Variants in PROB1 observed in about 807,000 individuals in gnomAD.
PROB1 encodes the protein proline rich basic protein 1.
For synonymous variants in PROB1, 660 were observed against 699.3 expected, an observed-to-expected ratio of 0.94 and a Z score of 0.89; for missense variants, 1,453 against 1,485.7, an observed-to-expected ratio of 0.98 and a Z score of 0.36.
Position 139,392,787 on chromosome 5 carries a change from G to A in PROB1, c.2295C>T (p.Ala765=), listed in dbSNP as rs1332022757. 6.9e-7 allele frequency: 1 copy of A among 1,453,050 alleles called. No homozygotes were observed. The highest frequency in any genetic ancestry group is 9.1e-7 in the Non-Finnish European group (1 of 1,099,576). 90.0% of individuals were successfully genotyped at this position (1,453,050 alleles called of 1,614,324 possible). Residue 765 remains alanine, a synonymous_variant, in exon 1 of 1, where the codon GCC becomes GCT. Coordinates refer to ENST00000434752, the MANE Select transcript of PROB1 (RefSeq NM_001161546.2). This position sits in a 1 kb window ranked among gnomAD's most constrained non-coding sequence, Gnocchi z 5.8. ...GPGGENRDVE[A]QRLVPDGDGR... Reference sequence around the variant, plus strand: ...CGTCGCCGTCGGGGACCAGGCGCTGGGCCTCTACATCCCTGTTCTCTCCTC... The same window carrying A: ...CGTCGCCGTCGGGGACCAGGCGCTGAGCCTCTACATCCCTGTTCTCTCCTC...
In PROB1 at chr5:139,393,994, G is replaced by A. The variant is rs1449011900; in HGVS notation, c.1088C>T (p.Pro363Leu). 3 of 1,550,556 alleles carry A rather than the reference G, an allele frequency of 1.9e-6. No homozygotes were observed. Among genetic ancestry groups the A allele is most frequent in the Admixed American group, 2.0e-5 (1 of 51,016 alleles). ...CCGTGCCCTCTGAACAGTTCGATCCGGCGCCTCTCGCGGGAACCGAGTCTT... is the reference window on the plus strand; with the variant it reads ...CCGTGCCCTCTGAACAGTTCGATCCAGCGCCTCTCGCGGGAACCGAGTCTT... ...ARKTRFPREA[P>L]DRTVQRARSP... The change falls in exon 1 of 1, where the codon CCG (proline) becomes CTG (leucine). Residue 363 changes from proline (P) to leucine (L), a missense_variant. Coordinates refer to ENST00000434752, the MANE Select transcript of PROB1 (RefSeq NM_001161546.2).
rs1437705883 is a variant in PROB1 at position 139,394,013 on chromosome 5, G to A, written c.1069C>T (p.Arg357Trp). 1.3e-6 allele frequency: 2 copies of A among 1,550,650 alleles called. No homozygotes were observed. The highest frequency in any genetic ancestry group is 1.2e-5 in the South Asian group (1 of 84,070). Residue 357 changes from arginine (R) to tryptophan (W), a missense_variant, in exon 1 of 1, where the codon CGG (arginine) becomes TGG (tryptophan). Arg to Trp is a moderately radical substitution (Grantham distance 101, BLOSUM62 -3). Coordinates refer to ENST00000434752, the MANE Select transcript of PROB1 (RefSeq NM_001161546.2). ...EEKIQEARKT[R>W]FPREAPDRTV... is the part of the protein sequence containing the mutation. ...CGATCCGGCGCCTCTCGCGGGAACC[G>A]AGTCTTCCGCGCCTCCTGGATCTTC...
In PROB1 at chr5:139,392,211, G is replaced by GC. The variant is rs1758609331; in HGVS notation, c.2870dup (p.Gln959AlafsTer13). 4.9e-6 allele frequency: 7 copies of GC among 1,433,406 alleles called. No homozygotes were observed. Among genetic ancestry groups the GC allele is most frequent in the Non-Finnish European group, 6.4e-6 (7 of 1,087,130 alleles). 88.8% of individuals were successfully genotyped at this position (1,433,406 alleles called of 1,614,324 possible). ...GCTGGGGGCTGCCGAGGGCCTGCGGGCCCGGGGACGGTGGCAGAGAGAGGC... is the reference window on the plus strand; with the variant it reads ...GCTGGGGGCTGCCGAGGGCCTGCGGGCCCCGGGGACGGTGGCAGAGAGAGGC... On this transcript the variant is annotated frameshift_variant, in exon 1 of 1. Coordinates refer to ENST00000434752, the MANE Select transcript of PROB1 (RefSeq NM_001161546.2). LOFTEE classifies it low-confidence loss of function (END_TRUNC). This position sits in a 1 kb window ranked among gnomAD's most constrained non-coding sequence, Gnocchi z 5.8.
chr5:139,393,734 T>C lies in PROB1; in HGVS notation c.1348A>G (p.Arg450Gly). ...QNPAVEETVS[R>G]RSPSPPILSQ... ...AGGATCGGAGGGGAAGGGCTTCTCC[T>C]GCTGACAGTTTCCTCGACGGCAGGA... Residue 450 changes from arginine to glycine, a missense_variant, in exon 1 of 1, where the codon AGG becomes GGG. Physicochemically the swap from Arg to Gly is moderately radical, Grantham distance 125 (BLOSUM62 -2). Transcript: ENST00000434752. 6.4e-7 allele frequency: 1 copy of C among 1,551,374 alleles called. No homozygotes were observed. The highest frequency in any genetic ancestry group is 8.7e-7 in the Non-Finnish European group (1 of 1,146,992).
chr5:139,392,630 G>T lies in PROB1; in HGVS notation c.2452C>A (p.Pro818Thr), dbSNP rs1036270963. Residue 818 changes from proline (P) to threonine (T), a missense_variant, in exon 1 of 1, where the codon CCG becomes ACG. Physicochemically the swap from Pro to Thr is conservative, Grantham distance 38. Transcript: ENST00000434752. The surrounding 1 kb of genome is among the most constrained non-coding windows in gnomAD (Gnocchi z 5.8). ...TCGGGGGCCGTAGGTGGTGTCTTCG[G>T]TTTGGGTGCTATCCCAGGGCTCGGG... ...ASPSPGIAPK[P>T]KTPPTAPEPA... is the part of the protein sequence containing the mutation. 14 of 1,386,752 alleles carry T rather than the reference G, an allele frequency of 1.0e-5. No homozygotes were observed. The highest frequency in any genetic ancestry group is 1.3e-5 in the Non-Finnish European group (14 of 1,072,654). 85.9% of individuals were successfully genotyped at this position (1,386,752 alleles called of 1,614,324 possible). A position where few individuals can be genotyped will look rare whatever the true frequency, so the allele number is the denominator to read the frequency against.
In PROB1 at chr5:139,392,768, C is replaced by T; in HGVS notation, c.2314G>A (p.Gly772Ser). Residue 772 changes from glycine to serine, a missense_variant, in exon 1 of 1, where the codon GGC becomes AGC. Transcript: ENST00000434752. This position sits in a 1 kb window ranked among gnomAD's most constrained non-coding sequence, Gnocchi z 5.8. ...CCTAGAGGGCTGGTCCGACCGTCGC[C>T]GTCGGGGACCAGGCGCTGGGCCTCT... ...DVEAQRLVPD[G>S]DGRTSPLGGA... 7.0e-7 allele frequency: 1 copy of T among 1,438,264 alleles called. No homozygotes were observed. Among genetic ancestry groups the T allele is most frequent in the Non-Finnish European group, 9.1e-7 (1 of 1,092,956 alleles). 89.1% of individuals were successfully genotyped at this position (1,438,264 alleles called of 1,614,324 possible). A position where few individuals can be genotyped will look rare whatever the true frequency, so the allele number is the denominator to read the frequency against.
Position 139,392,433 on chromosome 5 carries a change from C to G in PROB1, c.2649G>C (p.Leu883Phe), listed in dbSNP as rs780420892. 4.0e-4 allele frequency: 592 copies of G among 1,464,614 alleles called. 1 individual carries two copies. The highest frequency in any genetic ancestry group is 4.9e-4 in the Non-Finnish European group (546 of 1,109,430). The allele number at this position is 1,464,614 out of a possible 1,614,324, so 90.7% of individuals were successfully genotyped here. ...QPGAAPLGKVLVDPESGRYYF... is the reference protein window; with the variant it reads ...QPGAAPLGKVFVDPESGRYYF... ...AGTAGCGGCCGCTCTCGGGGTCCACCAAGACCTTCCCCAGGGGCGCGGCCC... is the reference window on the plus strand; with the variant it reads ...AGTAGCGGCCGCTCTCGGGGTCCACGAAGACCTTCCCCAGGGGCGCGGCCC... Residue 883 changes from leucine (L) to phenylalanine (F), a missense_variant, in exon 1 of 1, where the codon TTG becomes TTC. Physicochemically the swap from Leu to Phe is conservative, Grantham distance 22. Coordinates refer to ENST00000434752, the MANE Select transcript of PROB1 (RefSeq NM_001161546.2). This position sits in a 1 kb window ranked among gnomAD's most constrained non-coding sequence, Gnocchi z 5.8.
chr5:139,394,120 C>G lies in PROB1; in HGVS notation c.962G>C (p.Arg321Pro), dbSNP rs770436106. 1.4e-4 allele frequency: 216 copies of G among 1,547,754 alleles called. 2 individuals are homozygous for G. The highest frequency in any genetic ancestry group is 8.6e-4 in the South Asian group (72 of 83,942). ...CGCAGGCTTGTCGCGCCGAATCGCG[C>G]GCTCGCGGAGGCTGGGCCACGGCCT... Reference protein sequence around the residue: ...APRPWPSLRERAIRRDKPAPG... With the variant: ...APRPWPSLREPAIRRDKPAPG... The change falls in exon 1 of 1, where the codon CGC becomes CCC. Residue 321 changes from arginine to proline, a missense_variant. Arg to Pro is a moderately radical substitution (Grantham distance 103). Transcript: ENST00000434752.
rs746121314 is a variant in PROB1, at chr5:139,393,753, G to A, written c.1329C>T (p.Ala443=). ...ASSEWENQNP[A]VEETVSRRSP... is the part of the protein sequence containing the mutation. ...TTCTCCTGCTGACAGTTTCCTCGAC[G>A]GCAGGATTTTGATTTTCCCACTCGG... Residue 443 remains alanine, a synonymous_variant, in exon 1 of 1, where the codon GCC becomes GCT. Coordinates refer to ENST00000434752, the MANE Select transcript of PROB1 (RefSeq NM_001161546.2). 1.3e-6 allele frequency: 2 copies of A among 1,551,354 alleles called. No individual in the cohort carries two copies. Among genetic ancestry groups the A allele is most frequent in the East Asian group, 2.4e-5 (1 of 40,912 alleles).
Position 139,392,647 on chromosome 5 carries a change from G to A in PROB1, c.2435C>T (p.Pro812Leu). 7.2e-7 allele frequency: 1 copy of A among 1,389,736 alleles called. No homozygotes were observed. The highest frequency in any genetic ancestry group is 1.7e-5 in the South Asian group (1 of 59,172). The allele number at this position is 1,389,736 out of a possible 1,614,324, so 86.1% of individuals were successfully genotyped here. Residue 812 changes from proline to leucine, a missense_variant, in exon 1 of 1, where the codon CCT (proline) becomes CTT (leucine). Physicochemically the swap from Pro to Leu is moderately conservative, Grantham distance 98 (BLOSUM62 -3). Coordinates refer to ENST00000434752, the MANE Select transcript of PROB1 (RefSeq NM_001161546.2). This position sits in a 1 kb window ranked among gnomAD's most constrained non-coding sequence, Gnocchi z 5.8. The stretch of plus-strand genomic sequence containing the variant: ...TGTCTTCGGTTTGGGTGCTATCCCA[G>A]GGCTCGGGCTGGCTTGCATCTGAGG... ...GSPQMQASPS[P>L]GIAPKPKTPP... is the part of the protein sequence containing the mutation.
Position 139,394,852 on chromosome 5 carries a change from T to C in PROB1, c.230A>G (p.Asn77Ser). 3.3e-6 allele frequency: 5 copies of C among 1,531,510 alleles called. No individual in the cohort carries two copies. Among genetic ancestry groups the C allele is most frequent in the Non-Finnish European group, 3.5e-6 (4 of 1,139,080 alleles). 94.9% of individuals were successfully genotyped at this position (1,531,510 alleles called of 1,614,324 possible). Residue 77 changes from asparagine to serine, a missense_variant, in exon 1 of 1, where the codon AAT becomes AGT. Coordinates refer to ENST00000434752, the MANE Select transcript of PROB1 (RefSeq NM_001161546.2). ...AQPRLSVSAQ[N>S]SRQRHGPGSG... is the part of the protein sequence containing the mutation. ...GCCGGGCCCGTGCCGCTGGCGGCTA[T>C]TCTGGGCGCTGACGGACAGGCGAGG...
At position 139,392,535 on chromosome 5, in the gene PROB1, G is replaced by T; in HGVS notation, c.2547C>A (p.Ala849=). 1 of 1,352,778 alleles carries T rather than the reference G, an allele frequency of 7.4e-7. No individual in the cohort carries two copies. Among genetic ancestry groups the T allele is most frequent in the Non-Finnish European group, 9.5e-7 (1 of 1,058,100 alleles). The allele number at this position is 1,352,778 out of a possible 1,614,324, so 83.8% of individuals were successfully genotyped here. The change falls in exon 1 of 1, where the codon GCC becomes GCA. Residue 849 remains alanine, a synonymous_variant. Transcript: ENST00000434752. The surrounding 1 kb of genome is among the most constrained non-coding windows in gnomAD (Gnocchi z 5.8). ...PLALAGRTAP[A]QPRAASAPPT... ...GAGGCGCCGAGGCAGCGCGGGGCTG[G>T]GCTGGGGCCGTCCTGCCCGCCAACG...
Position 139,392,082 on chromosome 5 carries a change from G to A in PROB1, c.3000C>T (p.Ser1000=). 2 of 1,411,874 alleles carry A rather than the reference G, an allele frequency of 1.4e-6. No individual in the cohort carries two copies. The highest frequency in any genetic ancestry group is 3.2e-5 in the South Asian group (2 of 63,262). The allele number at this position is 1,411,874 out of a possible 1,614,324, so 87.5% of individuals were successfully genotyped here. A position where few individuals can be genotyped will look rare whatever the true frequency, so the allele number is the denominator to read the frequency against. ...APPLLLCAPP[S]SSGPTQPGKG... ...TGCCGGGCTGGGTGGGACCTGAGCT[G>A]GAGGGCGGCGCACAGAGGAGCAGAG... The change falls in exon 1 of 1, where the codon TCC becomes TCT. Residue 1000 remains serine, a synonymous_variant. Transcript: ENST00000434752. This position sits in a 1 kb window ranked among gnomAD's most constrained non-coding sequence, Gnocchi z 5.8.
Position 139,392,987 on chromosome 5 carries a change from C to A in PROB1, c.2095G>T (p.Glu699Ter). 1 of 1,517,638 alleles carries A rather than the reference C, an allele frequency of 6.6e-7. No individual in the cohort carries two copies. The highest frequency in any genetic ancestry group is 2.2e-5 in the Admixed American group (1 of 45,548). The allele number at this position is 1,517,638 out of a possible 1,614,324, so 94.0% of individuals were successfully genotyped here. ...PVVPHPYEPPEPSFDTVARDA... is the reference protein window; with the variant it reads ...PVVPHPYEPP The stretch of plus-strand genomic sequence containing the variant: ...CGGGCGACCGTGTCGAAGGACGGTT[C>A]AGGAGGCTCGTAGGGGTGCGGCACC... The change falls in exon 1 of 1, where the codon GAA (glutamate) becomes TAA (stop). Residue 699 changes from glutamate to a stop codon, truncating the protein, a stop_gained. Transcript: ENST00000434752. LOFTEE classifies it low-confidence loss of function (END_TRUNC). The surrounding 1 kb of genome is among the most constrained non-coding windows in gnomAD (Gnocchi z 5.8).
Position 139,391,808 on chromosome 5 carries a change from G to C in PROB1, c.*226C>G. On this transcript the variant is annotated 3_prime_UTR_variant, in exon 1 of 1. Coordinates refer to ENST00000434752, the MANE Select transcript of PROB1 (RefSeq NM_001161546.2). The surrounding 1 kb of genome is among the most constrained non-coding windows in gnomAD (Gnocchi z 4.8). ...ACGCCCTGGGAATGCCTGGGAAAGG[G>C]ATACATAATTTTGTTGGGGGAGGAA... 1 of 410,826 alleles carries C rather than the reference G, an allele frequency of 2.4e-6. No individual in the cohort carries two copies. Among genetic ancestry groups the C allele is most frequent in the Admixed American group, 4.3e-5 (1 of 23,210 alleles). 25.4% of individuals were successfully genotyped at this position (410,826 alleles called of 1,614,324 possible).
At position 139,392,962 on chromosome 5, in the gene PROB1, C is replaced by T. The variant is rs1281326971; in HGVS notation, c.2120G>A (p.Arg707Gln). ...GACCCCGTTGGGCTGTGAGGCGTCCCGGGCGACCGTGTCGAAGGACGGTTC... is the reference window on the plus strand; with the variant it reads ...GACCCCGTTGGGCTGTGAGGCGTCCTGGGCGACCGTGTCGAAGGACGGTTC... ...PPEPSFDTVA[R>Q]DASQPNGVLR... Residue 707 changes from arginine (R) to glutamine (Q), a missense_variant, in exon 1 of 1, where the codon CGG becomes CAG. Coordinates refer to ENST00000434752, the MANE Select transcript of PROB1 (RefSeq NM_001161546.2). This position sits in a 1 kb window ranked among gnomAD's most constrained non-coding sequence, Gnocchi z 5.8. 6.6e-7 allele frequency: 1 copy of T among 1,505,912 alleles called. No homozygotes were observed. Among genetic ancestry groups the T allele is most frequent in the Non-Finnish European group, 8.9e-7 (1 of 1,123,924 alleles). 93.3% of individuals were successfully genotyped at this position (1,505,912 alleles called of 1,614,324 possible). A position where few individuals can be genotyped will look rare whatever the true frequency, so the allele number is the denominator to read the frequency against.
At position 139,393,672 on chromosome 5, in the gene PROB1, G is replaced by A; in HGVS notation, c.1410C>T (p.Ser470=). 1.3e-6 allele frequency: 2 copies of A among 1,550,832 alleles called. No individual in the cohort carries two copies. The highest frequency in any genetic ancestry group is 1.7e-6 in the Non-Finnish European group (2 of 1,146,894). ...ACAGGGAAGGGGCTTCGAGGGACGG[G>A]CTCCTTTCCCCAGCAACACACTGAT... ...QWNQCVAGER[S]PSLEAPSLWE... Residue 470 remains serine, a synonymous_variant, in exon 1 of 1, where the codon AGC becomes AGT. Transcript: ENST00000434752.
chr5:139,395,040 C>T lies in PROB1; in HGVS notation c.42G>A (p.Pro14=), dbSNP rs918577635. The T allele has an allele frequency of 2.8e-6, 4 of 1,428,382 alleles. No homozygotes were observed. The highest frequency in any genetic ancestry group is 2.4e-4 in the Middle Eastern group (1 of 4,176). 88.5% of individuals were successfully genotyped at this position (1,428,382 alleles called of 1,614,324 possible). ...ALAPPALPGI[P]RQLPTAPARR... The stretch of plus-strand genomic sequence containing the variant: ...GCGCGGGGGCCGTGGGCAGCTGCCT[C>T]GGGATCCCAGGCAGGGCTGGCGGGG... Residue 14 remains proline (P), a synonymous_variant, in exon 1 of 1, where the codon CCG becomes CCA. Transcript: ENST00000434752.
chr5:139,392,418 G>A lies in PROB1; in HGVS notation c.2664C>T (p.Ser888=), dbSNP rs1215812413. 31 of 1,495,938 alleles carry A rather than the reference G, an allele frequency of 2.1e-5. No homozygotes were observed. The highest frequency in any genetic ancestry group is 2.7e-5 in the Non-Finnish European group (30 of 1,125,218). The allele number at this position is 1,495,938 out of a possible 1,614,324, so 92.7% of individuals were successfully genotyped here. A position where few individuals can be genotyped will look rare whatever the true frequency, so the allele number is the denominator to read the frequency against. Residue 888 remains serine, a synonymous_variant, in exon 1 of 1, where the codon AGC becomes AGT. Coordinates refer to ENST00000434752, the MANE Select transcript of PROB1 (RefSeq NM_001161546.2). This position sits in a 1 kb window ranked among gnomAD's most constrained non-coding sequence, Gnocchi z 5.8. ...PLGKVLVDPE[S]GRYYFVEAPR... is the part of the protein sequence containing the mutation. ...GCGCCTCCACAAAGTAGTAGCGGCC[G>A]CTCTCGGGGTCCACCAAGACCTTCC...
Sources: gnomAD v4.1 joint callset for allele counts on GRCh38, gnomAD v4.1.1 for gene constraint, Gnocchi (gnomAD v3.1) non-coding constraint, MANE v1.5 for transcripts, NCBI Gene and HGNC (gene_info 2026-07-23, HGNC 2026-07-21) for gene names.